MSL2: variants seen among roughly 807,000 people sequenced by gnomAD.
MSL2 encodes the protein E3 ubiquitin-protein ligase MSL2.
A neutral mutation model predicts 35.8 loss-of-function variants in MSL2; 2 were observed. The observed-to-expected ratio is 0.06, with a 90% CI of 0.02 to 0.18. The LOEUF (loss-of-function observed/expected upper bound fraction) is 0.18. Among genes scored for constraint, MSL2 ranks in the 10% least tolerant of loss-of-function variants. MSL2 has a pLI of 1.00. For synonymous variants in MSL2, 296 were observed against 255.7 expected, an observed-to-expected ratio of 1.16 and a Z score of -1.50; for missense variants, 523 against 706.7, an observed-to-expected ratio of 0.74 and a Z score of 2.95.
intron 1 of MSL2, among the ~76,000 whole-genome samples, chr3:136,161,961 G>A (rs573337442): frequency 3.3e-5 from 5 of 151,574 alleles, no homozygotes; most frequent in African/African-American, 7.3e-5. Context: ...TTCTCAAGAC[G>A]GAGTCTTTCT....
intron 1 of MSL2, among the ~76,000 whole-genome samples, chr3:136,172,245 CCTCTCAT>C (rs1408484475): frequency 1.3e-5 from 2 of 152,086 alleles, no homozygotes; most frequent in Admixed American, 1.3e-4. Flanking sequence ...CCTCTCTCCA[CCTCTCAT>C]CATACTCATA....
intron 1 of MSL2, among the ~76,000 whole-genome samples, chr3:136,192,394 G>C (rs967123772): frequency 3.9e-5 from 6 of 152,116 alleles, no homozygotes; most frequent in African/African-American, 1.4e-4. Context: ...GGCCAGGCTG[G>C]TCTCCAACTC....
intron 1 of MSL2, among the ~76,000 whole-genome samples, chr3:136,161,347 G>C (rs998755477): frequency 6.6e-6 from 1 of 152,096 alleles, no homozygotes; most frequent in Non-Finnish European, 1.5e-5. Context: ...ATAGAAACCA[G>C]CAAAATTCTA....
intron 1 of MSL2, among the ~76,000 whole-genome samples, chr3:136,186,565 T>C (rs1489773554): frequency 6.6e-6 from 1 of 152,172 alleles, no homozygotes; most frequent in African/African-American, 2.4e-5. Context: ...GCAGTGGCAT[T>C]AGACTCTCAT....
rs1405058653 is a variant in MSL2 at position 136,149,473 on chromosome 3, T to G, written c.*1674A>C. ...CATTTTCCACCATTTACTCTTGTTATCAAAAATAGTTCAACTCTTCTTGCA... is the reference window on the plus strand; with the variant it reads ...CATTTTCCACCATTTACTCTTGTTAGCAAAAATAGTTCAACTCTTCTTGCA... On this transcript the variant is annotated 3_prime_UTR_variant, in exon 2 of 2. Transcript: ENST00000309993. The G allele has an allele frequency of 6.6e-6, 1 of 152,288 alleles. No homozygotes were observed. The highest frequency in any genetic ancestry group is 1.5e-5 in the Non-Finnish European group (1 of 68,014). The allele number at this position is 152,288 out of a possible 1,614,324, so 9.4% of individuals were successfully genotyped here.
intron 1 of MSL2, 22 bp downstream of exon 1, chr3:136,194,950 G>T: frequency 1.1e-5 from 17 of 1,613,228 alleles, no homozygotes; most frequent in Non-Finnish European, 1.4e-5. Context: ...CATTGAAAAG[G>T]GAACAATAAA....
rs964018003 is a variant in MSL2 at position 136,149,266 on chromosome 3, G to T, written c.*1881C>A. ...TACAATCTCATTTCTAATCATTTTT[G>T]CAGTGATCATTAGTGAATAAAGAAC... On this transcript the variant is annotated 3_prime_UTR_variant, in exon 2 of 2. Coordinates refer to ENST00000309993, the MANE Select transcript of MSL2 (RefSeq NM_018133.4). 1 of 152,386 alleles carries T rather than the reference G, an allele frequency of 6.6e-6. No homozygotes were observed. The highest frequency in any genetic ancestry group is 2.4e-5 in the African/African-American group (1 of 41,376). 9.4% of individuals were successfully genotyped at this position (152,386 alleles called of 1,614,324 possible).
chr3:136,164,082 A>T (rs1320676439), intron 1 of MSL2, among the ~76,000 whole-genome samples: 6 of 152,350 alleles, frequency 3.9e-5, no homozygotes, highest in East Asian at 1.9e-4. Flanking sequence ...TCATTTTTTT[A>T]AAAAAGAAAA....
In MSL2 at chr3:136,149,851, G is replaced by A. The variant is rs1559952638; in HGVS notation, c.*1296C>T. 6.6e-6 allele frequency: 1 copy of A among 152,336 alleles called. No individual in the cohort carries two copies. The highest frequency in any genetic ancestry group is 1.9e-4 in the East Asian group (1 of 5,206). 9.4% of individuals were successfully genotyped at this position (152,336 alleles called of 1,614,324 possible). On this transcript the variant is annotated 3_prime_UTR_variant, in exon 2 of 2. Coordinates refer to ENST00000309993, the MANE Select transcript of MSL2 (RefSeq NM_018133.4). Reference sequence around the variant, plus strand: ...AGTAGAAATTGGAAATTTTCCAGCAGTATTTTTCTTTAAATAAGCACTGTC... The same window carrying A: ...AGTAGAAATTGGAAATTTTCCAGCAATATTTTTCTTTAAATAAGCACTGTC...
At chr3:136,169,875 G>A (rs1176072963) in intron 1 of MSL2, among the ~76,000 whole-genome samples, 1 of 151,888 alleles carries the variant, frequency 6.6e-6, no homozygotes, top group South Asian at 2.1e-4. Context: ...TGGTCAACAT[G>A]GTAAAACCTC....
rs1939252869 is a variant in MSL2 at position 136,149,021 on chromosome 3, AAAC to A, written c.*2123_*2125del. The A allele has an allele frequency of 6.6e-6, 1 of 152,550 alleles. No individual in the cohort carries two copies. The highest frequency in any genetic ancestry group is 2.4e-5 in the African/African-American group (1 of 41,436). 9.4% of individuals were successfully genotyped at this position (152,550 alleles called of 1,614,324 possible). ...CATAAAAAAGAGAAACTTGTGCTAA[AAAC>A]AACCTGAATTCATCATTGGCAATAT... On this transcript the variant is annotated 3_prime_UTR_variant, in exon 2 of 2. Transcript: ENST00000309993.
At chr3:136,193,135 T>C (rs924836131) in intron 1 of MSL2, among the ~76,000 whole-genome samples, 1 of 152,238 alleles carries the variant, frequency 6.6e-6, no homozygotes, top group South Asian at 2.1e-4. Flanking sequence ...AAGGCTCCAG[T>C]TGGACTTTTA....
intron 1 of MSL2, 67 bp from the exon 2 acceptor site, chr3:136,152,805 T>A: frequency 6.4e-7 from 1 of 1,553,456 alleles, no homozygotes; most frequent in South Asian, 1.2e-5. Flanking sequence ...AAACTGAAGT[T>A]TAGATGACAT....
chr3:136,161,402 G>GA (rs35657015), intron 1 of MSL2, among the ~76,000 whole-genome samples: 1 of 152,156 alleles, frequency 6.6e-6, no homozygotes, highest in African/African-American at 2.4e-5. Context: ...TATCCACACA[G>GA]AAAAACGTAT....
intron 1 of MSL2, among the ~76,000 whole-genome samples, chr3:136,171,363 G>C (rs1940021860): frequency 6.6e-6 from 1 of 152,130 alleles, no homozygotes; most frequent in African/African-American, 2.4e-5. Context: ...AAACTCTAAA[G>C]CTGAATGACT....
chr3:136,156,071 C>G lies in MSL2; in HGVS notation c.143-3333G>C, dbSNP rs554049103. On this transcript the variant is annotated intron_variant, in intron 1 of 1. Transcript: ENST00000309993. ...CCCTCCCCCAAAAAACTACCTTTTT[C>G]AAAAGGAAATCAGCTATATCTCCAC... The G allele has an allele frequency of 6.1e-4, 157 of 258,952 alleles. 1 individual carries two copies. The highest frequency in any genetic ancestry group is 4.1e-3 in the South Asian group (92 of 22,174). The allele number at this position is 258,952 out of a possible 1,614,324, so 16.0% of individuals were successfully genotyped here.
At chr3:136,188,322 TACTC>T (rs1940580124) in intron 1 of MSL2, among the ~76,000 whole-genome samples, 1 of 151,556 alleles carries the variant, frequency 6.6e-6, no homozygotes, top group Non-Finnish European at 1.5e-5. Flanking sequence ...TAGTCCCAGT[TACTC>T]AGGAGACTGA....
Position 136,151,416 on chromosome 3 carries a change from C to A in MSL2, c.1465G>T (p.Ala489Ser). ...CCACGACATATACAATCTAAGCAGGCTTTGCGGTTAGAGTAGCAAGGGCAG... is the reference window on the plus strand; with the variant it reads ...CCACGACATATACAATCTAAGCAGGATTTGCGGTTAGAGTAGCAAGGGCAG... ...QRCPCYSNRK[A>S]CLDCICRGCQ... is the part of the protein sequence containing the mutation. The change falls in exon 2 of 2, where the codon GCC becomes TCC. Residue 489 changes from alanine (A) to serine (S), a missense_variant. Physicochemically the swap from Ala to Ser is moderately conservative, Grantham distance 99. Transcript: ENST00000309993. The surrounding 1 kb of genome is among the most constrained non-coding windows in gnomAD (Gnocchi z 5.2). 2 of 1,614,198 alleles carry A rather than the reference C, an allele frequency of 1.2e-6. No homozygotes were observed. Among genetic ancestry groups the A allele is most frequent in the Non-Finnish European group, 1.7e-6 (2 of 1,180,034 alleles).
chr3:136,170,005 C>T (rs1019123235), intron 1 of MSL2, among the ~76,000 whole-genome samples: 14 of 150,500 alleles, frequency 9.3e-5, no homozygotes, highest in Admixed American at 2.7e-4. Context: ...GATCCAGGAT[C>T]GCGCCACTGC....
Sources: gnomAD v4.1 joint callset for allele counts (sites outside exome capture counted in the v4.1 genomes callset) on GRCh38, gnomAD v4.1.1 for gene constraint, Gnocchi (gnomAD v3.1) non-coding constraint, MANE v1.5 for transcripts, NCBI Gene and HGNC (gene_info 2026-07-23, HGNC 2026-07-21) for gene names.